The following BTBD9 variants were observed in gnomAD, a reference collection of about 807,000 sequenced individuals.
BTBD9 encodes the protein BTB/POZ domain-containing protein 9.
In BTBD9, 49 loss-of-function variants were observed where a neutral mutation model predicts 64.3. The observed-to-expected ratio is 0.76, with a 90% confidence interval of 0.61 to 0.97. The LOEUF is 0.97. Among genes scored for constraint, BTBD9 ranks in the 50% least tolerant of loss-of-function variants. The pLI, the probability that BTBD9 is intolerant of heterozygous loss-of-function variation, is 0.00. For missense variants in BTBD9, 598 were observed against 762.1 expected, an observed-to-expected ratio of 0.78 and a Z score of 2.53; for synonymous variants, 260 against 274.7, an observed-to-expected ratio of 0.95 and a Z score of 0.53.
intron 1 of BTBD9, among the ~76,000 whole-genome samples, chr6:38,628,540 C>T (rs189642268): frequency 4.6e-5 from 7 of 151,892 alleles, no homozygotes; most frequent in Admixed American, 2.6e-4. Flanking sequence ...GTTACAAACA[C>T]GAAAAGGGGA....
At chr6:38,503,573 T>C (rs1772314484) in intron 6 of BTBD9, among the ~76,000 whole-genome samples, 1 of 152,056 alleles carries the variant, frequency 6.6e-6, no homozygotes, top group Admixed American at 6.6e-5. Context: ...CCTACTACTC[T>C]CAAACCACTT....
intron 6 of BTBD9, among the ~76,000 whole-genome samples, chr6:38,555,790 C>T (rs1562334315): frequency 6.6e-6 from 1 of 152,136 alleles, no homozygotes; most frequent in Non-Finnish European, 1.5e-5. Flanking sequence ...CCAATGGCTT[C>T]GTATGTCAGT....
At chr6:38,504,679 CT>C (rs1772384046) in intron 6 of BTBD9, 1 of 446,048 alleles carries the variant, frequency 2.2e-6, no homozygotes, top group Non-Finnish European at 4.5e-6. Flanking sequence ...AGAATGTTTC[CT>C]ATATAAATAC....
At chr6:38,350,689 TACAAAAGAAGGGAACCTTAACATTTTGGC>T (rs1204749943) in intron 6 of BTBD9, among the ~76,000 whole-genome samples, 1 of 152,220 alleles carries the variant, frequency 6.6e-6, no homozygotes, top group Non-Finnish European at 1.5e-5. Context: ...CTGAGATTGG[TACAAAAGAAGGGAACCTTAACATTTTGGC>T]TCTTCCTTCA....
At chr6:38,316,715 T>C (rs994151272) in intron 7 of BTBD9, among the ~76,000 whole-genome samples, 2 of 152,216 alleles carry the variant, frequency 1.3e-5, no homozygotes. Context: ...ACTTAAGATA[T>C]GAGTGGTTTA....
chr6:38,343,268 A>G (rs1457571030), intron 7 of BTBD9, among the ~76,000 whole-genome samples: 1 of 152,214 alleles, frequency 6.6e-6, no homozygotes, highest in Non-Finnish European at 1.5e-5. Context: ...ATGCATGCCA[A>G]CAACAGCACC....
At chr6:38,638,314 T>C (rs1778599954) in intron 1 of BTBD9, among the ~76,000 whole-genome samples, 1 of 152,220 alleles carries the variant, frequency 6.6e-6, no homozygotes, top group African/African-American at 2.4e-5. Context: ...AGACAGGTCT[T>C]CTATGTCATT....
chr6:38,513,056 T>C (rs1772845994), intron 6 of BTBD9, among the ~76,000 whole-genome samples: 1 of 152,208 alleles, frequency 6.6e-6, no homozygotes, highest in Non-Finnish European at 1.5e-5. Context: ...GCCCGACCTT[T>C]ACCCCAATGC....
chr6:38,327,952 C>T (rs1013456916), intron 7 of BTBD9, among the ~76,000 whole-genome samples: 22 of 152,178 alleles, frequency 1.4e-4, no homozygotes, highest in African/African-American at 5.1e-4. Context: ...TATTTGGGAG[C>T]GCGTGGAGTG....
intron 6 of BTBD9, among the ~76,000 whole-genome samples, chr6:38,480,593 T>A (rs1771094010): frequency 6.6e-6 from 1 of 152,054 alleles, no homozygotes; most frequent in South Asian, 2.1e-4. Context: ...CCATGCAAAG[T>A]AGTATATAAG....
intron 6 of BTBD9, among the ~76,000 whole-genome samples, chr6:38,518,702 CCTTA>C (rs1388357908): frequency 1.3e-5 from 2 of 152,190 alleles, no homozygotes; most frequent in Non-Finnish European, 2.9e-5. Context: ...TATAATACTT[CCTTA>C]CTATTTAAGG....
intron 7 of BTBD9, among the ~76,000 whole-genome samples, chr6:38,296,078 C>G (rs1009161648): frequency 4.6e-5 from 7 of 151,858 alleles, no homozygotes; most frequent in Non-Finnish European, 1.0e-4. Flanking sequence ...AAAAAAAGAT[C>G]TGTATTCTGT....
At chr6:38,601,982 G>A (rs1777259638) in intron 1 of BTBD9, among the ~76,000 whole-genome samples, 1 of 152,020 alleles carries the variant, frequency 6.6e-6, no homozygotes, top group African/African-American at 2.4e-5. Context: ...AAACTCATAG[G>A]ACATGTAAGG....
chr6:38,509,885 T>C (rs758605993), intron 6 of BTBD9, among the ~76,000 whole-genome samples: 3 of 152,218 alleles, frequency 2.0e-5, no homozygotes, highest in Admixed American at 6.5e-5. Flanking sequence ...CCCAGCTTCA[T>C]GTTTCATCAA....
At chr6:38,495,593 T>G (rs564490063) in intron 6 of BTBD9, among the ~76,000 whole-genome samples, 1 of 152,360 alleles carries the variant, frequency 6.6e-6, no homozygotes, top group East Asian at 1.9e-4. Context: ...ATTTGTTATG[T>G]GCTTCATGTG....
intron 9 of BTBD9, 49 bp from the exon 10 acceptor site, chr6:38,192,646 T>C (rs1263220862): frequency 3.9e-6 from 6 of 1,540,704 alleles, no homozygotes; most frequent in Non-Finnish European, 4.5e-6. Context: ...CAGTTGACTC[T>C]CTGGTAGTGT....
At chr6:38,222,254 G>T (rs1282198018) in intron 9 of BTBD9, among the ~76,000 whole-genome samples, 37 of 96,724 alleles carry the variant, frequency 3.8e-4, no homozygotes, top group South Asian at 1.1e-3. Flanking sequence ...AATTCATTCA[G>T]TTGTTTTTTT....
intron 7 of BTBD9, among the ~76,000 whole-genome samples, chr6:38,342,535 CAAAAAAA>C (rs762825969): frequency 3.6e-5 from 2 of 54,866 alleles, no homozygotes; most frequent in Non-Finnish European, 4.2e-5. Flanking sequence ...GACTCTGTCT[CAAAAAAA>C]AAAAAAAAAA....
Position 38,171,553 on chromosome 6 carries a change from CGGGTGT to C in BTBD9, c.*3426_*3431del, listed in dbSNP as rs1766758642. The stretch of plus-strand genomic sequence containing the variant: ...AAAAAGCACTGAGAAAATGGTAAAA[CGGGTGT>C]GTGTGTGTGTGTGTGTGTGTGTGTG... On this transcript the variant is annotated 3_prime_UTR_variant, in exon 11 of 11. Transcript: ENST00000481247. The C allele has an allele frequency of 1.0e-5, 1 of 99,002 alleles. No homozygotes were observed. Among genetic ancestry groups the C allele is most frequent in the African/African-American group, 4.3e-5 (1 of 23,338 alleles). 6.1% of individuals were successfully genotyped at this position (99,002 alleles called of 1,614,324 possible). A position where few individuals can be genotyped will look rare whatever the true frequency, so the allele number is the denominator to read the frequency against.
Sources: gnomAD v4.1 joint callset for allele counts (sites outside exome capture counted in the v4.1 genomes callset) on GRCh38, gnomAD v4.1.1 for gene constraint, MANE v1.5 for transcripts, NCBI Gene and HGNC (gene_info 2026-07-23, HGNC 2026-07-21) for gene names.